EYA4: variants seen among roughly 807,000 people sequenced by gnomAD.
EYA4 encodes the protein protein phosphatase EYA4.
EYA4 carries 31 observed loss-of-function variants against 87.9 expected under a neutral mutation model. That is an observed-to-expected ratio of 0.35 (90% CI 0.27 to 0.48). The LOEUF (loss-of-function observed/expected upper bound fraction) is 0.48, where lower values mean the gene tolerates loss of function less well. Among genes scored for constraint, EYA4 ranks in the 20% least tolerant of loss-of-function variants. The probability of loss-of-function intolerance (pLI) is 0.99; values close to 1 mark genes in which losing one functional copy is unlikely to be tolerated. For synonymous variants in EYA4, 263 were observed against 270.6 expected, an observed-to-expected ratio of 0.97 and a Z score of 0.28; for missense variants, 678 against 761.4, an observed-to-expected ratio of 0.89 and a Z score of 1.29.
chr6:133,411,693 A>C (rs1789254040), intron 3 of EYA4, among the ~76,000 whole-genome samples: 1 of 152,226 alleles, frequency 6.6e-6, no homozygotes, highest in Non-Finnish European at 1.5e-5. Flanking sequence ...TTATTTGCAT[A>C]ATATATCAGA....
chr6:133,361,655 G>T (rs1327155818), intron 2 of EYA4, among the ~76,000 whole-genome samples: 2 of 152,216 alleles, frequency 1.3e-5, no homozygotes, highest in Non-Finnish European at 2.9e-5. Context: ...TTCTGGAAGA[G>T]AAAGAATGAA....
At chr6:133,348,366 C>T (rs112525437) in intron 2 of EYA4, among the ~76,000 whole-genome samples, 3,153 of 149,918 alleles carry the variant, frequency 0.021, 112 homozygotes, top group African/African-American at 0.073. Context: ...CTCCACCTCC[C>T]GGGTTCAAGC....
chr6:133,399,901 G>A (rs1788115058), intron 3 of EYA4, among the ~76,000 whole-genome samples: 1 of 152,116 alleles, frequency 6.6e-6, no homozygotes, highest in Admixed American at 6.5e-5. Flanking sequence ...ACAAAGAGGA[G>A]GTTTTGTATA....
At chr6:133,363,568 G>A (rs546976580) in intron 2 of EYA4, among the ~76,000 whole-genome samples, 3 of 151,378 alleles carry the variant, frequency 2.0e-5, no homozygotes, top group South Asian at 2.1e-4. Context: ...TCCGCCTCCC[G>A]GGTTCACGCC....
intron 11 of EYA4, among the ~76,000 whole-genome samples, chr6:133,475,915 G>T: frequency 6.6e-6 from 1 of 152,170 alleles, no homozygotes; most frequent in South Asian, 2.1e-4. Flanking sequence ...CATGGCCTCT[G>T]CAGGGCATGC....
rs182347543 is a variant in EYA4, at chr6:133,300,687, C to T, written c.33+25874C>T. Among the ~76,000 whole-genome samples, 574 of 151,904 alleles carry T rather than the reference C, an allele frequency of 3.8e-3. 3 individuals are homozygous for T. Among genetic ancestry groups the T allele is most frequent in the African/African-American group, 0.013 (529 of 41,450 alleles). On this transcript the variant is annotated intron_variant, in intron 2 of 19. Coordinates refer to ENST00000355286, the MANE Select transcript of EYA4 (RefSeq NM_004100.5). The stretch of plus-strand genomic sequence containing the variant: ...GTGCTACCATGCCTGGCTAATTTTT[C>T]GTATTTTAGTAGAGACAGGGTTTCA...
At chr6:133,293,589 C>T (rs1411748083) in intron 2 of EYA4, among the ~76,000 whole-genome samples, 1 of 152,118 alleles carries the variant, frequency 6.6e-6, no homozygotes, top group Non-Finnish European at 1.5e-5. Context: ...AACCTTCATC[C>T]TGGCCTGCAC....
At chr6:133,374,349 C>T (rs1020613112) in intron 2 of EYA4, among the ~76,000 whole-genome samples, 2 of 151,974 alleles carry the variant, frequency 1.3e-5, no homozygotes, top group Admixed American at 6.6e-5. Context: ...CTCCCTCCCC[C>T]AAACCAGGGT....
intron 2 of EYA4, among the ~76,000 whole-genome samples, chr6:133,285,100 C>T (rs1442886028): frequency 6.7e-6 from 1 of 150,364 alleles, no homozygotes; most frequent in African/African-American, 2.4e-5. Context: ...GGGTTCACGC[C>T]ATTCTCCTGC....
intron 13 of EYA4, among the ~76,000 whole-genome samples, chr6:133,503,906 A>C (rs1798359069): frequency 6.6e-6 from 1 of 151,980 alleles, no homozygotes; most frequent in Non-Finnish European, 1.5e-5. Context: ...TGAGACACAA[A>C]CTGGCACTTA....
At chr6:133,381,755 T>G (rs1165576208) in intron 2 of EYA4, among the ~76,000 whole-genome samples, 1 of 152,206 alleles carries the variant, frequency 6.6e-6, no homozygotes, top group Non-Finnish European at 1.5e-5. Flanking sequence ...CTTTAGAGGA[T>G]GTACCACATA....
intron 1 of EYA4, among the ~76,000 whole-genome samples, chr6:133,271,217 C>T (rs1055069470): frequency 1.3e-5 from 2 of 152,058 alleles, no homozygotes; most frequent in African/African-American, 4.8e-5. Context: ...GAACTTTGCC[C>T]CAGCCCTGCA....
intron 3 of EYA4, among the ~76,000 whole-genome samples, chr6:133,387,175 T>C (rs1033638986): frequency 5.9e-5 from 9 of 152,260 alleles, no homozygotes; most frequent in Non-Finnish European, 1.3e-4. Context: ...TCCTATTATG[T>C]AGACAGTTGT....
At chr6:133,503,566 G>A (rs913112563) in intron 13 of EYA4, among the ~76,000 whole-genome samples, 7 of 152,098 alleles carry the variant, frequency 4.6e-5, no homozygotes, top group South Asian at 2.1e-4. Context: ...AGCACAGAGC[G>A]TCACTAATGG....
chr6:133,284,210 T>C (rs570062062), intron 2 of EYA4, among the ~76,000 whole-genome samples: 22 of 152,358 alleles, frequency 1.4e-4, no homozygotes, highest in African/African-American at 5.3e-4. Flanking sequence ...TACAGATTAA[T>C]TGTACAATCT....
chr6:133,256,570 A>G (rs1775355821), intron 1 of EYA4, among the ~76,000 whole-genome samples: 1 of 152,108 alleles, frequency 6.6e-6, no homozygotes, highest in Admixed American at 6.5e-5. Context: ...ACTCCATTAT[A>G]AATGTGTTGA....
intron 3 of EYA4, among the ~76,000 whole-genome samples, chr6:133,390,726 A>G (rs1326650691): frequency 6.6e-6 from 1 of 152,176 alleles, no homozygotes; most frequent in African/African-American, 2.4e-5. Flanking sequence ...AAAATCATGT[A>G]TGTGTGAACT....
At chr6:133,499,070 TA>T (rs1797883309) in intron 13 of EYA4, among the ~76,000 whole-genome samples, 1 of 152,208 alleles carries the variant, frequency 6.6e-6, no homozygotes, top group Non-Finnish European at 1.5e-5. Context: ...ACTAATCTCT[TA>T]AAAACACATA....
At chr6:133,435,733 T>C (rs989838277) in intron 3 of EYA4, among the ~76,000 whole-genome samples, 1 of 152,232 alleles carries the variant, frequency 6.6e-6, no homozygotes, top group Non-Finnish European at 1.5e-5. Context: ...CAGTGGCATG[T>C]CCTACTAATT....
Sources: gnomAD v4.1 joint callset for allele counts (sites outside exome capture counted in the v4.1 genomes callset) on GRCh38, gnomAD v4.1.1 for gene constraint, MANE v1.5 for transcripts, NCBI Gene and HGNC (gene_info 2026-07-23, HGNC 2026-07-21) for gene names.